FBXL17: variants seen among roughly 807,000 people sequenced by gnomAD.
The protein encoded by FBXL17 is F-box and leucine rich repeat protein 17.
FBXL17 carries 22 observed loss-of-function variants against 66.2 expected under a neutral mutation model. That is an observed-to-expected ratio of 0.33 (90% CI 0.24 to 0.47). The LOEUF (loss-of-function observed/expected upper bound fraction) is 0.47. Ranked by LOEUF, FBXL17 falls within the 20% of genes least tolerant of loss-of-function variation. The pLI, the probability that FBXL17 is intolerant of heterozygous loss-of-function variation, is 1.00. For missense variants in FBXL17, 878 were observed against 948.2 expected, an observed-to-expected ratio of 0.93 and a Z score of 0.97; for synonymous variants, 474 against 400.5, an observed-to-expected ratio of 1.18 and a Z score of -2.19.
chr5:108,230,953 A>T (rs943611758), intron 4 of FBXL17, among the ~76,000 whole-genome samples: 5 of 46,494 alleles, frequency 1.1e-4, no homozygotes, highest in Admixed American at 2.0e-4. Context: ...ATTTTTTTTA[A>T]AAAAAAGCAA....
At chr5:108,014,013 A>C (rs1282895617) in intron 7 of FBXL17, among the ~76,000 whole-genome samples, 1 of 152,200 alleles carries the variant, frequency 6.6e-6, no homozygotes, top group East Asian at 1.9e-4. Flanking sequence ...GATAATCGTC[A>C]ATAATAATTC....
intron 6 of FBXL17, among the ~76,000 whole-genome samples, chr5:108,179,167 A>G (rs1727984175): frequency 6.6e-6 from 1 of 152,236 alleles, no homozygotes; most frequent in South Asian, 2.1e-4. Flanking sequence ...GGCACTCAGC[A>G]AATATTTTAT....
chr5:108,194,983 C>T (rs1430412927), intron 5 of FBXL17, among the ~76,000 whole-genome samples: 2 of 152,116 alleles, frequency 1.3e-5, no homozygotes, highest in South Asian at 2.1e-4. Context: ...ATTTGTAAAG[C>T]TTAGTCTCTT....
intron 4 of FBXL17, among the ~76,000 whole-genome samples, chr5:108,300,496 G>A (rs190166672): frequency 6.6e-6 from 1 of 151,738 alleles, no homozygotes; most frequent in Non-Finnish European, 1.5e-5. Flanking sequence ...GGTATTGTTT[G>A]GATAACTGTT....
chr5:107,930,021 C>A (rs962221037), intron 7 of FBXL17, among the ~76,000 whole-genome samples: 1 of 152,176 alleles, frequency 6.6e-6, no homozygotes, highest in East Asian at 1.9e-4. Context: ...GCCACTGTCA[C>A]CCTTCCTCAG....
intron 6 of FBXL17, among the ~76,000 whole-genome samples, chr5:108,113,433 T>C (rs1256448353): frequency 1.3e-5 from 2 of 152,238 alleles, no homozygotes; most frequent in Middle Eastern, 3.4e-3. Flanking sequence ...GTATATATGC[T>C]ATACACATAT....
At chr5:108,156,932 A>G (rs1227795998) in intron 6 of FBXL17, among the ~76,000 whole-genome samples, 3 of 151,974 alleles carry the variant, frequency 2.0e-5, no homozygotes, top group Non-Finnish European at 4.4e-5. Context: ...ACAATTAGTT[A>G]TATGAAGGAC....
intron 7 of FBXL17, among the ~76,000 whole-genome samples, chr5:108,001,753 G>A (rs1242678617): frequency 6.6e-6 from 1 of 151,912 alleles, no homozygotes; most frequent in African/African-American, 2.4e-5. Context: ...GCCCATCTGG[G>A]CCTCCCAAAG....
intron 4 of FBXL17, among the ~76,000 whole-genome samples, chr5:108,347,946 C>T (rs1393771385): frequency 6.6e-6 from 1 of 152,038 alleles, no homozygotes; most frequent in Non-Finnish European, 1.5e-5. Context: ...CTATTATATG[C>T]TCTAACTTAT....
At chr5:107,873,584 TCTC>T (rs1748523056) in intron 8 of FBXL17, among the ~76,000 whole-genome samples, 2 of 152,170 alleles carry the variant, frequency 1.3e-5, no homozygotes, top group Admixed American at 6.5e-5. Context: ...AGCCATTCCT[TCTC>T]CACCTGCAGT....
At chr5:108,225,396 C>T (rs1024234389) in intron 4 of FBXL17, among the ~76,000 whole-genome samples, 3 of 152,098 alleles carry the variant, frequency 2.0e-5, no homozygotes, top group African/African-American at 7.2e-5. Flanking sequence ...GCAGCTATTT[C>T]CAATAGTGAA....
At chr5:108,146,373 G>A (rs1751561675) in intron 6 of FBXL17, among the ~76,000 whole-genome samples, 1 of 151,780 alleles carries the variant, frequency 6.6e-6, no homozygotes, top group South Asian at 2.1e-4. Context: ...TGGGCTCCAT[G>A]GTAATTCTAG....
At chr5:108,225,024 C>A (rs1042473104) in intron 4 of FBXL17, among the ~76,000 whole-genome samples, 3 of 152,120 alleles carry the variant, frequency 2.0e-5, no homozygotes, top group Admixed American at 6.6e-5. Context: ...TGCACCATTA[C>A]CGATATCTAA....
chr5:107,904,215 A>G (rs139454601), intron 7 of FBXL17, among the ~76,000 whole-genome samples: 28 of 152,090 alleles, frequency 1.8e-4, no homozygotes, highest in Admixed American at 6.5e-5. Flanking sequence ...TCTTCCTCCT[A>G]TTTCCTATCT....
At position 107,860,405 on chromosome 5, in the gene FBXL17, G is replaced by A. The variant is rs200796456; in HGVS notation, c.*1315C>T. The A allele has an allele frequency of 6.6e-6, 1 of 152,566 alleles. No individual in the cohort carries two copies. The highest frequency in any genetic ancestry group is 1.9e-4 in the East Asian group (1 of 5,192). The allele number at this position is 152,566 out of a possible 1,614,324, so 9.5% of individuals were successfully genotyped here. A position where few individuals can be genotyped will look rare whatever the true frequency, so the allele number is the denominator to read the frequency against. On this transcript the variant is annotated 3_prime_UTR_variant, in exon 9 of 9. Transcript: ENST00000542267. ...TGTCCTCATTATAAATCTAGACACA[G>A]GAACAGTTATTTGAGCCTGAGTCCC...
chr5:108,344,298 C>T (rs1224439397), intron 4 of FBXL17, among the ~76,000 whole-genome samples: 1 of 152,034 alleles, frequency 6.6e-6, no homozygotes, highest in Non-Finnish European at 1.5e-5. Flanking sequence ...AGAGAAGTCA[C>T]AGAATTATAA....
intron 1 of FBXL17, among the ~76,000 whole-genome samples, chr5:108,378,909 G>A (rs749922361): frequency 6.6e-6 from 1 of 152,100 alleles, no homozygotes; most frequent in Non-Finnish European, 1.5e-5. Flanking sequence ...AGCTCACTTC[G>A]TGCTGAATAC....
chr5:107,939,252 T>C (rs2112586603), intron 7 of FBXL17, among the ~76,000 whole-genome samples: 1 of 152,298 alleles, frequency 6.6e-6, no homozygotes, highest in East Asian at 1.9e-4. Flanking sequence ...TAATAATGTT[T>C]ACAGCTCCAT....
rs140780488 is a variant in FBXL17, at chr5:108,136,320, G to T, written c.1745+49797C>A. Among the ~76,000 whole-genome samples, 17 of 152,090 alleles carry T rather than the reference G, an allele frequency of 1.1e-4. No individual in the cohort carries two copies. In the East Asian group the frequency reaches 2.1e-3, roughly 19 times the overall value. On this transcript the variant is annotated intron_variant, in intron 6 of 8. Coordinates refer to ENST00000542267, the MANE Select transcript of FBXL17 (RefSeq NM_001163315.3). ...TTTATTCTCACAAAAAAGGAAAATG[G>T]CAAACATACTTTAGCTTGGTAAATG...
Sources: allele counts gnomAD v4.1 joint callset (sites outside exome capture counted in the v4.1 genomes callset), GRCh38; gene constraint gnomAD v4.1.1; transcripts MANE v1.5; gene names NCBI Gene and HGNC (gene_info 2026-07-23, HGNC 2026-07-21).